The following NDUFV2 variants were observed in gnomAD, a reference collection of about 807,000 sequenced individuals.
NDUFV2 encodes the protein NADH dehydrogenase [ubiquinone] flavoprotein 2, mitochondrial.
A neutral mutation model predicts 31.6 loss-of-function variants in NDUFV2; 18 were observed. That is an observed-to-expected ratio of 0.57 (90% CI 0.39 to 0.84). NDUFV2 has a LOEUF of 0.84. Among genes scored for constraint, NDUFV2 ranks in the 40% least tolerant of loss-of-function variants. NDUFV2 has a pLI of 0.00. For missense variants in NDUFV2, 314 were observed against 303.6 expected (o/e 1.03, Z -0.26); for synonymous variants, 83 against 99.8 (o/e 0.83, Z 1.01).
At chr18:9,103,697 T>A (rs1259477336) in intron 1 of NDUFV2, 1 of 155,668 alleles carries the variant, frequency 6.4e-6, no homozygotes, top group African/African-American at 2.4e-5. Context: ...CTGCCTTTTG[T>A]GGCTCTATGA....
At chr18:9,124,808 T>TTAAAA in intron 5 of NDUFV2, 66 bp from the exon 6 acceptor site, 1 of 1,461,386 alleles carries the variant, frequency 6.8e-7, no homozygotes, top group Non-Finnish European at 9.2e-7. Flanking sequence ...ATTCTTTTTT[T>TTAAAA]TTTTTTTAAA....
chr18:9,122,135 A>G (rs984538101), intron 4 of NDUFV2, among the ~76,000 whole-genome samples: 1 of 152,176 alleles, frequency 6.6e-6, no homozygotes, highest in Non-Finnish European at 1.5e-5. Flanking sequence ...GGGTTTGGCC[A>G]TCAATTTTTT....
Position 9,123,818 on chromosome 18 carries a change from A to T in NDUFV2, c.470-1056A>T, listed in dbSNP as rs1029602583. Among the ~76,000 whole-genome samples, 9 of 152,238 alleles carry T rather than the reference A, an allele frequency of 5.9e-5. No individual in the cohort carries two copies. The South Asian group carries it at 8.3e-4, about 14-fold the overall frequency. On this transcript the variant is annotated intron_variant, in intron 5 of 7. Coordinates refer to ENST00000318388, the MANE Select transcript of NDUFV2 (RefSeq NM_021074.5). ...CCTCATTTTTCTTTTACAAACAGTT[A>T]CTTTGATGTACACACACATCTTTGC...
intron 1 of NDUFV2, among the ~76,000 whole-genome samples, chr18:9,108,407 A>G (rs990043453): frequency 6.6e-6 from 1 of 152,208 alleles, no homozygotes; most frequent in Non-Finnish European, 1.5e-5. Context: ...GAAAATCTGT[A>G]TGTGGCATTT....
chr18:9,122,501 CTAAT>C lies in NDUFV2; in HGVS notation c.301-11_301-8del. On this transcript the variant is annotated splice_polypyrimidine_tract_variant and splice_region_variant and intron_variant, in intron 4 of 7. Transcript: ENST00000318388. The stretch of plus-strand genomic sequence containing the variant: ...TGTAATTATCTTATTTTTAAATGTC[CTAAT>C]ATTTTAGGTTGCAGAAGTTTTACAA... The C allele has an allele frequency of 6.3e-7, 1 of 1,595,076 alleles. No individual in the cohort carries two copies. Among genetic ancestry groups the C allele is most frequent in the Non-Finnish European group, 8.6e-7 (1 of 1,163,580 alleles).
intron 1 of NDUFV2, chr18:9,103,043 T>C: frequency 2.0e-6 from 1 of 491,864 alleles, no homozygotes; most frequent in South Asian, 3.3e-5. Flanking sequence ...GAGGGGCTGC[T>C]TGGTGATATA....
intron 6 of NDUFV2, among the ~76,000 whole-genome samples, chr18:9,125,901 CTT>C (rs1168644842): frequency 6.6e-6 from 1 of 152,124 alleles, no homozygotes; most frequent in Non-Finnish European, 1.5e-5. Flanking sequence ...ACAGTTTACT[CTT>C]ATAATGAGGT....
chr18:9,129,058 C>T (rs1480260009), intron 7 of NDUFV2, among the ~76,000 whole-genome samples: 1 of 152,198 alleles, frequency 6.6e-6, no homozygotes, highest in Non-Finnish European at 1.5e-5. Flanking sequence ...CTGCCTCAGT[C>T]TCCCGAGCAG....
Position 9,126,860 on chromosome 18 carries a change from A to G in NDUFV2, c.609A>G (p.Glu203=). ...YEDLTAKDIE[E]IIDELKAGKI... is the part of the protein sequence containing the mutation. ...ATTTGACAGCTAAGGATATTGAAGA[A>G]ATTATTGATGAGCTCAAGGCTGGCA... Residue 203 remains glutamate, a synonymous_variant, in exon 7 of 8, where the codon GAA becomes GAG. Transcript: ENST00000318388. The G allele has an allele frequency of 2.5e-6, 4 of 1,613,874 alleles. No individual in the cohort carries two copies. In the Admixed American group the frequency reaches 5.0e-5, roughly 20 times the overall value.
At chr18:9,105,793 C>T (rs1052375005) in intron 1 of NDUFV2, among the ~76,000 whole-genome samples, 6 of 152,266 alleles carry the variant, frequency 3.9e-5, no homozygotes, top group African/African-American at 1.4e-4. Context: ...TGTAAGTCAG[C>T]GACCCATCTG....
intron 1 of NDUFV2, among the ~76,000 whole-genome samples, chr18:9,105,476 A>G (rs578074758): frequency 6.6e-6 from 1 of 152,338 alleles, no homozygotes; most frequent in South Asian, 2.1e-4. Flanking sequence ...GATAATCAGA[A>G]TAAGTTTATT....
At chr18:9,123,518 A>G (rs1345286824) in intron 5 of NDUFV2, among the ~76,000 whole-genome samples, 1 of 151,202 alleles carries the variant, frequency 6.6e-6, no homozygotes, top group Non-Finnish European at 1.5e-5. Flanking sequence ...TTGAGGTCTC[A>G]CTTTGTCACC....
chr18:9,106,195 C>T (rs1051811088), intron 1 of NDUFV2, among the ~76,000 whole-genome samples: 7 of 152,206 alleles, frequency 4.6e-5, no homozygotes, highest in Non-Finnish European at 1.0e-4. Context: ...CTCCCTCCCC[C>T]TTTCTGGCTC....
chr18:9,108,174 G>C (rs73388195), intron 1 of NDUFV2, among the ~76,000 whole-genome samples: 14 of 151,932 alleles, frequency 9.2e-5, no homozygotes, highest in African/African-American at 3.1e-4. Context: ...GTAATACCTG[G>C]GCTCTTCATG....
Position 9,117,814 on chromosome 18 carries a change from C to G in NDUFV2, c.55-24C>G, listed in dbSNP as rs200760159. The G allele has an allele frequency of 1.3e-4, 185 of 1,457,516 alleles. 1 individual carries two copies. The East Asian group carries it at 4.2e-3, about 33-fold the overall frequency. The allele number at this position is 1,457,516 out of a possible 1,614,324, so 90.3% of individuals were successfully genotyped here. A position where few individuals can be genotyped will look rare whatever the true frequency, so the allele number is the denominator to read the frequency against. ...TTTTTTAAGGCTATGATTTACTAAACTTTCTTAAAATTTTAAATTTTAGGG... is the reference window on the plus strand; with the variant it reads ...TTTTTTAAGGCTATGATTTACTAAAGTTTCTTAAAATTTTAAATTTTAGGG... On this transcript the variant is annotated intron_variant, in intron 1 of 7. Coordinates refer to ENST00000318388, the MANE Select transcript of NDUFV2 (RefSeq NM_021074.5).
chr18:9,105,053 A>G, intron 1 of NDUFV2: 6 of 1,411,262 alleles, frequency 4.3e-6, no homozygotes, highest in Middle Eastern at 1.9e-4. Flanking sequence ...AGACATTTCT[A>G]TACTGTCATT....
intron 1 of NDUFV2, chr18:9,117,595 T>G: frequency 2.2e-6 from 1 of 453,354 alleles, no homozygotes; most frequent in Non-Finnish European, 4.0e-6. Flanking sequence ...TCAGCAGATC[T>G]GGGTTGTCCT....
At chr18:9,127,368 A>G (rs1386251258) in intron 7 of NDUFV2, among the ~76,000 whole-genome samples, 1 of 152,236 alleles carries the variant, frequency 6.6e-6, no homozygotes, top group African/African-American at 2.4e-5. Flanking sequence ...TTCTCATATG[A>G]CATAGCTTTG....
chr18:9,130,739 T>C (rs2078032946), intron 7 of NDUFV2, among the ~76,000 whole-genome samples: 1 of 152,186 alleles, frequency 6.6e-6, no homozygotes, highest in Non-Finnish European at 1.5e-5. Flanking sequence ...TTGAAAGAGG[T>C]ACTAATTGTG....
Sources: allele counts gnomAD v4.1 joint callset (sites outside exome capture counted in the v4.1 genomes callset), GRCh38; gene constraint gnomAD v4.1.1; transcripts MANE v1.5; gene names NCBI Gene and HGNC (gene_info 2026-07-23, HGNC 2026-07-21).